The following NRXN1 variants were observed in gnomAD, a reference collection of about 807,000 sequenced individuals.
NRXN1 encodes the protein neurexin 1.
A neutral mutation model predicts 150.9 loss-of-function variants in NRXN1; 39 were observed. The observed-to-expected ratio is 0.26, with a 90% CI of 0.20 to 0.34. The LOEUF (loss-of-function observed/expected upper bound fraction) is 0.34. NRXN1 is among the 10% of genes least tolerant of loss of function. NRXN1 has a pLI of 1.00. For missense variants in NRXN1, 1,815 were observed against 1,949.9 expected (o/e 0.93, Z 1.30); for synonymous variants, 924 against 757.0 (o/e 1.22, Z -3.62).
At chr2:50,448,916 A>G (rs2086711668) in intron 17 of NRXN1, among the ~76,000 whole-genome samples, 1 of 152,222 alleles carries the variant, frequency 6.6e-6, no homozygotes, top group Non-Finnish European at 1.5e-5. Flanking sequence ...ATGTTAAACC[A>G]AAGAGACCTT....
chr2:50,131,842 G>A (rs1201924468), intron 18 of NRXN1, among the ~76,000 whole-genome samples: 3 of 152,156 alleles, frequency 2.0e-5, no homozygotes, highest in Non-Finnish European at 2.9e-5. Flanking sequence ...GGCCACCTAG[G>A]TAGTGGTTAT....
chr2:50,346,609 C>G lies in NRXN1; in HGVS notation c.3365-109639G>C, dbSNP rs1043367445. 1.3e-5 allele frequency: 19 copies of G among 1,462,110 alleles called. No homozygotes were observed. Among genetic ancestry groups the G allele is most frequent in the Non-Finnish European group, 1.7e-5 (18 of 1,047,572 alleles). The allele number at this position is 1,462,110 out of a possible 1,614,324, so 90.6% of individuals were successfully genotyped here. ...TTTGTCGAGCTCCCATTTCTCTGAG[C>G]CTTAGGAGCCCAGGAGCGAGTGCAG... On this transcript the variant is annotated intron_variant, in intron 17 of 22. Transcript: ENST00000401669. This position sits in a 1 kb window ranked among gnomAD's most constrained non-coding sequence, Gnocchi z 5.0.
chr2:50,574,588 C>T (rs1420570857), intron 8 of NRXN1, among the ~76,000 whole-genome samples: 3 of 152,166 alleles, frequency 2.0e-5, no homozygotes, highest in African/African-American at 7.2e-5. Flanking sequence ...TCTCTAAGGT[C>T]TCCTAACGTC....
intron 17 of NRXN1, among the ~76,000 whole-genome samples, chr2:50,239,994 T>C (rs2065868452): frequency 6.6e-6 from 1 of 151,522 alleles, no homozygotes; most frequent in South Asian, 2.1e-4. Context: ...TGAAAGTTTC[T>C]AGCACAATTA....
At chr2:50,309,239 T>G (rs2074948106) in intron 17 of NRXN1, among the ~76,000 whole-genome samples, 1 of 152,202 alleles carries the variant, frequency 6.6e-6, no homozygotes, top group African/African-American at 2.4e-5. Flanking sequence ...AAACAAGATA[T>G]TCTTATGATT....
intron 5 of NRXN1, among the ~76,000 whole-genome samples, chr2:50,861,264 G>A (rs764207167): frequency 9.2e-5 from 14 of 152,074 alleles, no homozygotes; most frequent in South Asian, 2.1e-4. Context: ...TCAACCTGGA[G>A]TGCAGTGAGA....
intron 12 of NRXN1, among the ~76,000 whole-genome samples, chr2:50,512,041 A>G (rs1318054457): frequency 6.6e-6 from 1 of 151,988 alleles, no homozygotes; most frequent in African/African-American, 2.4e-5. Flanking sequence ...CTCTATTCCT[A>G]TTTTTATCTG....
intron 21 of NRXN1, among the ~76,000 whole-genome samples, chr2:50,031,113 C>T (rs931534039): frequency 6.6e-6 from 1 of 152,026 alleles, no homozygotes; most frequent in African/African-American, 2.4e-5. Context: ...ACACCTTTTG[C>T]ACTAATCAAA....
chr2:50,648,954 C>G (rs994943596), intron 5 of NRXN1, among the ~76,000 whole-genome samples: 1 of 151,836 alleles, frequency 6.6e-6, no homozygotes, highest in Non-Finnish European at 1.5e-5. Flanking sequence ...CATGTAAATC[C>G]TTAAAATTCA....
intron 18 of NRXN1, among the ~76,000 whole-genome samples, chr2:50,092,478 C>T (rs1699720100): frequency 6.6e-6 from 1 of 152,164 alleles, no homozygotes; most frequent in East Asian, 1.9e-4. Flanking sequence ...GTCTGTGGTT[C>T]ACCCTTCTTC....
chr2:50,210,605 C>T (rs1317058597), intron 18 of NRXN1, among the ~76,000 whole-genome samples: 3 of 151,620 alleles, frequency 2.0e-5, no homozygotes, highest in Admixed American at 6.6e-5. Context: ...ATGTAGACTG[C>T]ATATCACCAT....
intron 18 of NRXN1, among the ~76,000 whole-genome samples, chr2:50,139,236 G>C (rs1407588881): frequency 6.7e-6 from 1 of 150,222 alleles, no homozygotes; most frequent in African/African-American, 2.5e-5. Flanking sequence ...CGAGACAGGA[G>C]AGTTGCTTGA....
intron 18 of NRXN1, among the ~76,000 whole-genome samples, chr2:50,112,618 A>T (rs1257141879): frequency 6.6e-6 from 1 of 152,182 alleles, no homozygotes; most frequent in Non-Finnish European, 1.5e-5. Flanking sequence ...ATAGGATTCC[A>T]TGAGGGTGCA....
At chr2:50,279,494 T>C (rs2071112801) in intron 17 of NRXN1, among the ~76,000 whole-genome samples, 1 of 152,198 alleles carries the variant, frequency 6.6e-6, no homozygotes, top group Non-Finnish European at 1.5e-5. Context: ...TTTAACTTTT[T>C]TGGTTGTCTG....
At position 49,951,593 on chromosome 2, in the gene NRXN1, C is replaced by T. The variant is rs114834497; in HGVS notation, c.4129-7802G>A. On this transcript the variant is annotated intron_variant, in intron 21 of 22. Transcript: ENST00000401669. ...AACTGTGTTTCCCGTCTCTTTGTTT[C>T]GCTTTTGGACAAAGCACTTTCTGAA... 8.2e-3 allele frequency among the ~76,000 whole-genome samples: 1,248 copies of T among 152,034 alleles called. 18 individuals are homozygous for T. The highest frequency in any genetic ancestry group is 0.028 in the African/African-American group (1,177 of 41,540).
chr2:50,222,101 A>G (rs1471534804), intron 18 of NRXN1, among the ~76,000 whole-genome samples: 1 of 152,000 alleles, frequency 6.6e-6, no homozygotes, highest in Non-Finnish European at 1.5e-5. Flanking sequence ...AGACTCTGAA[A>G]TGAGTACTGC....
At chr2:50,721,805 T>A (rs946550681) in intron 5 of NRXN1, among the ~76,000 whole-genome samples, 1 of 152,160 alleles carries the variant, frequency 6.6e-6, no homozygotes, top group African/African-American at 2.4e-5. Context: ...TTTACTCATA[T>A]TTTACAGGTA....
intron 2 of NRXN1, among the ~76,000 whole-genome samples, chr2:50,983,658 A>G (rs1697197950): frequency 6.6e-6 from 1 of 152,146 alleles, no homozygotes; most frequent in African/African-American, 2.4e-5. Context: ...TTATTTAGAT[A>G]TAATAGTGAA....
chr2:50,350,616 A>G (rs949554674), intron 17 of NRXN1, among the ~76,000 whole-genome samples: 6 of 152,210 alleles, frequency 3.9e-5, no homozygotes, highest in African/African-American at 1.4e-4. Flanking sequence ...GGAATGGATA[A>G]GGCTGGGACT....
Sources: allele counts gnomAD v4.1 joint callset (sites outside exome capture counted in the v4.1 genomes callset), GRCh38; gene constraint gnomAD v4.1.1; non-coding constraint Gnocchi (gnomAD v3.1); transcripts MANE v1.5; gene names NCBI Gene and HGNC (gene_info 2026-07-23, HGNC 2026-07-21).